Variants in NR5A2 observed in about 807,000 individuals in gnomAD.
NR5A2 encodes the protein CYP7A promoter-binding factor.
A neutral mutation model predicts 62.7 loss-of-function variants in NR5A2; 26 were observed. The observed-to-expected ratio is 0.41, with a 90% confidence interval of 0.30 to 0.58. The LOEUF (loss-of-function observed/expected upper bound fraction) is 0.58. Among genes scored for constraint, NR5A2 ranks in the 20% least tolerant of loss-of-function variants. The pLI is 0.22. For synonymous variants in NR5A2, 246 were observed against 241.7 expected (o/e 1.02, Z -0.16); for missense variants, 541 against 669.1 (o/e 0.81, Z 2.11).
intron 5 of NR5A2, among the ~76,000 whole-genome samples, chr1:200,073,266 C>A (rs1264412753): frequency 1.5e-4 from 7 of 46,312 alleles, no homozygotes; most frequent in African/African-American, 9.0e-4. Context: ...ATATATTCCC[C>A]TTTATATATA....
At chr1:200,084,008 A>AT (rs71132657) in intron 5 of NR5A2, among the ~76,000 whole-genome samples, 4 of 147,560 alleles carry the variant, frequency 2.7e-5, no homozygotes, top group Admixed American at 6.8e-5. Flanking sequence ...AATAATAATA[A>AT]AGTACAGTTT....
intron 6 of NR5A2, among the ~76,000 whole-genome samples, chr1:200,115,990 A>C (rs185715538): frequency 7.2e-4 from 109 of 151,946 alleles, no homozygotes; most frequent in African/African-American, 2.3e-3. Flanking sequence ...AATACAATTC[A>C]CTCATTATAG....
rs74820549 is a variant in NR5A2, at chr1:200,135,212, C to T, written c.1378+14257C>T. 3.3e-3 allele frequency among the ~76,000 whole-genome samples: 495 copies of T among 152,246 alleles called. 1 individual carries two copies. Among genetic ancestry groups the T allele is most frequent in the African/African-American group, 0.012 (485 of 41,554 alleles). ...ACTCACAGGCAAGGAAGTCTTTTGA[C>T]TTGGGGCCTGAAATAATAAAGCATG... On this transcript the variant is annotated intron_variant, in intron 7 of 7. Coordinates refer to ENST00000367362, the MANE Select transcript of NR5A2 (RefSeq NM_205860.3).
intron 7 of NR5A2, 109 bp from the exon 8 acceptor site, chr1:200,173,854 T>C: frequency 8.7e-7 from 1 of 1,151,652 alleles, no homozygotes; most frequent in Non-Finnish European, 1.2e-6. Flanking sequence ...ATGTAAAGTA[T>C]GTTTATGTCA....
intron 5 of NR5A2, among the ~76,000 whole-genome samples, chr1:200,102,742 C>T (rs1665436737): frequency 6.6e-6 from 1 of 152,180 alleles, no homozygotes; most frequent in Non-Finnish European, 1.5e-5. Flanking sequence ...TATATGCACT[C>T]AAGTTTTGAA....
At chr1:200,153,542 G>A (rs1653233147) in intron 7 of NR5A2, among the ~76,000 whole-genome samples, 1 of 151,982 alleles carries the variant, frequency 6.6e-6, no homozygotes, top group Non-Finnish European at 1.5e-5. Flanking sequence ...GCCCTATAGG[G>A]TCAAAATGAT....
chr1:200,045,317 C>G, intron 3 of NR5A2, 126 bp from the exon 4 acceptor site: 1 of 765,420 alleles, frequency 1.3e-6, no homozygotes. Context: ...TAAAATAAAC[C>G]ACAGAACCAC....
chr1:200,133,598 TATACACATATATACACAC>T (rs1488530313), intron 7 of NR5A2, among the ~76,000 whole-genome samples: 4 of 97,702 alleles, frequency 4.1e-5, no homozygotes, highest in African/African-American at 1.6e-4. Context: ...CATATATATA[TATACACATATATACACAC>T]ACACACACAC....
At chr1:200,070,124 G>A (rs1235837915) in intron 5 of NR5A2, among the ~76,000 whole-genome samples, 1 of 152,128 alleles carries the variant, frequency 6.6e-6, no homozygotes, top group Non-Finnish European at 1.5e-5. Context: ...GTGCAGGGTA[G>A]TAGTTTTGTA....
At chr1:200,028,740 G>C (rs907171749) in intron 1 of NR5A2, among the ~76,000 whole-genome samples, 2 of 152,178 alleles carry the variant, frequency 1.3e-5, no homozygotes, top group Admixed American at 6.5e-5. Context: ...CATTTGCCTA[G>C]GCTTTCAGAC....
rs556789514 is a variant in NR5A2, at chr1:200,048,284, G to A, written c.576G>A (p.Lys192=). 3.5e-5 allele frequency: 57 copies of A among 1,614,062 alleles called. 2 individuals carry two copies. The South Asian group carries it at 6.0e-4, about 17-fold the overall frequency. ...CCCTCATCCGAGCCAATGGACTTAA[G>A]CTAGAAGCCATGTCTCAGGTGATCC... ...KKALIRANGL[K]LEAMSQVIQA... is the part of the protein sequence containing the mutation. The change falls in exon 5 of 8, where the codon AAG becomes AAA. Residue 192 remains lysine (K), a synonymous_variant. Transcript: ENST00000367362. This position sits in a 1 kb window ranked among gnomAD's most constrained non-coding sequence, Gnocchi z 4.8.
chr1:200,136,820 C>T (rs1667241620), intron 7 of NR5A2, among the ~76,000 whole-genome samples: 1 of 152,218 alleles, frequency 6.6e-6, no homozygotes, highest in South Asian at 2.1e-4. Flanking sequence ...AATTCCCCCT[C>T]ATCAACATGC....
At chr1:200,065,540 G>A (rs998357307) in intron 5 of NR5A2, among the ~76,000 whole-genome samples, 3 of 152,128 alleles carry the variant, frequency 2.0e-5, no homozygotes, top group African/African-American at 7.2e-5. Flanking sequence ...TGCACACATC[G>A]AGGGGGCAGT....
intron 1 of NR5A2, among the ~76,000 whole-genome samples, chr1:200,037,456 C>A (rs185668269): frequency 6.6e-6 from 1 of 152,262 alleles, no homozygotes; most frequent in East Asian, 1.9e-4. Flanking sequence ...ATAAATTCTT[C>A]GCATTGCTGT....
chr1:200,053,529 C>T (rs1448538503), intron 5 of NR5A2, among the ~76,000 whole-genome samples: 2 of 148,136 alleles, frequency 1.4e-5, no homozygotes, highest in Non-Finnish European at 3.0e-5. Context: ...AAGAAGCAGT[C>T]CTCTTGTACG....
intron 7 of NR5A2, among the ~76,000 whole-genome samples, chr1:200,157,082 C>T (rs1339526366): frequency 2.6e-5 from 4 of 152,128 alleles, no homozygotes; most frequent in Non-Finnish European, 5.9e-5. Context: ...ATTTCTTGTT[C>T]AATTAAGTCA....
Position 200,174,217 on chromosome 1 carries a change from AC to A in NR5A2, c.*11del, listed in dbSNP as rs754332856. On this transcript the variant is annotated 3_prime_UTR_variant, in exon 8 of 8. Transcript: ENST00000367362. ...GCATGCCAAAAGAGCATAAGTTACA[AC>A]CCCTAGGAGCTCTGCTTTCAAAACA... 1 of 1,569,724 alleles carries A rather than the reference AC, an allele frequency of 6.4e-7. No homozygotes were observed. The highest frequency in any genetic ancestry group is 1.4e-5 in the African/African-American group (1 of 73,496).
intron 7 of NR5A2, among the ~76,000 whole-genome samples, chr1:200,158,241 A>G (rs987959824): frequency 1.3e-5 from 2 of 152,248 alleles, no homozygotes; most frequent in African/African-American, 4.8e-5. Context: ...AGCATCAGCT[A>G]TAATATTCAA....
chr1:200,034,698 C>T (rs1571690865), intron 1 of NR5A2, among the ~76,000 whole-genome samples: 1 of 148,192 alleles, frequency 6.7e-6, no homozygotes. Flanking sequence ...GAGATACTCT[C>T]ATAGTGATTG....
Sources: gnomAD v4.1 joint callset for allele counts (sites outside exome capture counted in the v4.1 genomes callset) on GRCh38, gnomAD v4.1.1 for gene constraint, Gnocchi (gnomAD v3.1) non-coding constraint, MANE v1.5 for transcripts, NCBI Gene and HGNC (gene_info 2026-07-23, HGNC 2026-07-21) for gene names.